The following CSF1R variants were observed in gnomAD, a reference collection of about 807,000 sequenced individuals.
CSF1R encodes the protein macrophage colony-stimulating factor 1 receptor.
In CSF1R, 40 loss-of-function variants were observed where a neutral mutation model predicts 110.0. The observed-to-expected ratio is 0.36, with a 90% confidence interval of 0.28 to 0.47. CSF1R has a LOEUF of 0.47. Among genes scored for constraint, CSF1R ranks in the 20% least tolerant of loss-of-function variants. The pLI is 0.99. For synonymous variants in CSF1R, 523 were observed against 503.4 expected, an observed-to-expected ratio of 1.04 and a Z score of -0.52; for missense variants, 1,052 against 1,253.0, an observed-to-expected ratio of 0.84 and a Z score of 2.42.
At chr5:150,061,893 C>A in intron 10 of CSF1R, 44 bp from the exon 11 acceptor site, 3 of 1,612,460 alleles carry the variant, frequency 1.9e-6, no homozygotes, top group Non-Finnish European at 1.7e-6. Context: ...GGCTGGCAGG[C>A]AGTTCCTGGA....
At chr5:150,084,394 G>GAAAGAAAGAAAGAAAGAAAGAAGGAAA (rs1561945918) in intron 1 of CSF1R, among the ~76,000 whole-genome samples, 1 of 22,976 alleles carries the variant, frequency 4.4e-5, no homozygotes, top group Non-Finnish European at 8.1e-5. Flanking sequence ...AAAGAAAGAA[G>GAAAGAAAGAAAGAAAGAAAGAAGGAAA]GAAGGAAGGA....
chr5:150,062,502 T>C (rs555840714), intron 10 of CSF1R, among the ~76,000 whole-genome samples: 2 of 148,038 alleles, frequency 1.4e-5, no homozygotes, highest in East Asian at 2.0e-4. Flanking sequence ...TGCACCTCAG[T>C]GGACTCACAC....
chr5:150,078,445 T>G (rs926408807), intron 3 of CSF1R, among the ~76,000 whole-genome samples, 197 bp from the exon 4 acceptor site: 2 of 151,970 alleles, frequency 1.3e-5, no homozygotes, highest in African/African-American at 4.8e-5. Context: ...GAAAGTCTAC[T>G]TTCTCCATCA....
In CSF1R at chr5:150,056,267, C is replaced by G; in HGVS notation, c.2394G>C (p.Gly798=). Residue 798 remains glycine (G), a synonymous_variant, in exon 17 of 21, where the codon GGG becomes GGC. Coordinates refer to ENST00000675795, the MANE Select transcript of CSF1R (RefSeq NM_001288705.3). The part of the protein sequence containing the change: ...NGHVAKIGDF[G]LARDIMNDSN... ...AGTCATTCATGATGTCCCTAGCCAG[C>G]CCGAAGTCCCCAATCTTGGCCACAT... The G allele has an allele frequency of 6.2e-7, 1 of 1,614,212 alleles. No individual in the cohort carries two copies.
At chr5:150,055,522 A>G (rs559208372) in intron 18 of CSF1R, among the ~76,000 whole-genome samples, 186 bp from the exon 19 acceptor site, 1 of 152,322 alleles carries the variant, frequency 6.6e-6, no homozygotes, top group African/African-American at 2.4e-5. Flanking sequence ...GGAAGGTGTG[A>G]GCCTCTATCC....
intron 1 of CSF1R, among the ~76,000 whole-genome samples, chr5:150,100,615 C>T (rs1258751220): frequency 6.6e-6 from 1 of 152,120 alleles, no homozygotes; most frequent in African/African-American, 2.4e-5. Flanking sequence ...AAATCTCATA[C>T]ACTGCTGGTA....
At chr5:150,084,909 C>T (rs956352400) in intron 1 of CSF1R, among the ~76,000 whole-genome samples, 2 of 152,130 alleles carry the variant, frequency 1.3e-5, no homozygotes, top group African/African-American at 4.8e-5. Flanking sequence ...GTGGCGGGTA[C>T]ACTGTGTGTG....
In CSF1R at chr5:150,086,359, AC is replaced by A. The variant is rs1758845844; in HGVS notation, c.49+19del. 1.3e-6 allele frequency: 2 copies of A among 1,591,198 alleles called. No individual in the cohort carries two copies. The highest frequency in any genetic ancestry group is 1.2e-5 in the South Asian group (1 of 86,824). ...CCATCACACCCCAACAAAGTCCCCC[AC>A]CCCCCGTTCTGCTCTTACCATGCCA... On this transcript the variant is annotated intron_variant, in intron 1 of 20. Coordinates refer to ENST00000675795, the MANE Select transcript of CSF1R (RefSeq NM_001288705.3).
intron 1 of CSF1R, among the ~76,000 whole-genome samples, chr5:150,105,380 ATATATTTTTT>A (rs1759523262): frequency 1.2e-5 from 1 of 85,844 alleles, no homozygotes; most frequent in Non-Finnish European, 2.4e-5. Flanking sequence ...ATATATATAT[ATATATTTTTT>A]TTTTTTTAAT....
At chr5:150,096,812 A>C (rs1343949739) in intron 1 of CSF1R, among the ~76,000 whole-genome samples, 1 of 152,224 alleles carries the variant, frequency 6.6e-6, no homozygotes, top group African/African-American at 2.4e-5. Context: ...CAATATGGTA[A>C]AGGGCATCTG....
At chr5:150,057,442 C>T in intron 15 of CSF1R, 58 bp from the exon 16 acceptor site, 1 of 1,610,738 alleles carries the variant, frequency 6.2e-7, no homozygotes, top group Admixed American at 1.7e-5. Context: ...CTCACCCCAG[C>T]AGCCCCTTCT....
chr5:150,069,101 G>GCAGTGAGGCC (rs1757914862), intron 9 of CSF1R, among the ~76,000 whole-genome samples: 1 of 152,228 alleles, frequency 6.6e-6, no homozygotes, highest in African/African-American at 2.4e-5. Context: ...ACAACCTCCA[G>GCAGTGAGGCC]CAGTGAGGCC....
intron 5 of CSF1R, 144 bp downstream of exon 5, chr5:150,077,132 C>G (rs748603931): frequency 9.3e-7 from 1 of 1,076,072 alleles, no homozygotes; most frequent in African/African-American, 1.6e-5. Flanking sequence ...AGAGTGGCTC[C>G]TTAGCCAGGC....
upstream of CSF1R, among the ~76,000 whole-genome samples, chr5:150,090,783 G>A (rs374806552): frequency 1.8e-4 from 28 of 152,140 alleles, no homozygotes; most frequent in African/African-American, 6.3e-4. Context: ...GGGTCCACAC[G>A]GATATAAAGA....
At chr5:150,083,397 C>G (rs1758648432) in intron 1 of CSF1R, among the ~76,000 whole-genome samples, 1 of 144,928 alleles carries the variant, frequency 6.9e-6, no homozygotes, top group African/African-American at 2.6e-5. Context: ...CACACACACA[C>G]ACACTGCACA....
At chr5:150,082,700 GT>G (rs1561943160) in intron 1 of CSF1R, among the ~76,000 whole-genome samples, 1 of 152,184 alleles carries the variant, frequency 6.6e-6, no homozygotes, top group East Asian at 1.9e-4. Flanking sequence ...TACCAGCTGG[GT>G]TAGTTTCTTA....
intron 1 of CSF1R, among the ~76,000 whole-genome samples, chr5:150,099,649 A>G (rs1759337041): frequency 1.4e-5 from 2 of 145,728 alleles, no homozygotes; most frequent in Admixed American, 7.5e-5. Flanking sequence ...ATACTCTTTG[A>G]TCTTACTCAT....
intron 5 of CSF1R, among the ~76,000 whole-genome samples, chr5:150,075,413 T>A (rs948471528): frequency 3.3e-5 from 5 of 151,988 alleles, no homozygotes; most frequent in Non-Finnish European, 4.4e-5. Flanking sequence ...TCTCACTCTC[T>A]CCCCGCAGCC....
chr5:150,093,114 T>C (rs886806822), intron 1 of CSF1R, among the ~76,000 whole-genome samples: 1 of 152,186 alleles, frequency 6.6e-6, no homozygotes, highest in Non-Finnish European at 1.5e-5. Context: ...AGTCTCACTC[T>C]GTCACCCAGG....
Sources: allele counts gnomAD v4.1 joint callset (sites outside exome capture counted in the v4.1 genomes callset), GRCh38; gene constraint gnomAD v4.1.1; transcripts MANE v1.5; gene names NCBI Gene and HGNC (gene_info 2026-07-23, HGNC 2026-07-21).